The following WDFY4 variants were observed in gnomAD, a reference collection of about 807,000 sequenced individuals.
The protein encoded by WDFY4 is WD repeat- and FYVE domain-containing protein 4.
In WDFY4, 169 loss-of-function variants were observed where a neutral mutation model predicts 351.9. The observed-to-expected ratio is 0.48, with a 90% CI of 0.42 to 0.55. The LOEUF (loss-of-function observed/expected upper bound fraction) is 0.55. Ranked by LOEUF, WDFY4 falls within the 20% of genes least tolerant of loss-of-function variation. The pLI is 0.00. For missense variants in WDFY4, 3,803 were observed against 3,935.6 expected, an observed-to-expected ratio of 0.97 and a Z score of 0.90; for synonymous variants, 1,622 against 1,574.6, an observed-to-expected ratio of 1.03 and a Z score of -0.71.
intron 47 of WDFY4, 23 bp downstream of exon 47, chr10:48,901,886 T>C: frequency 6.5e-7 from 1 of 1,547,596 alleles, no homozygotes; most frequent in South Asian, 1.2e-5. Flanking sequence ...AGCCATGCTG[T>C]CTGGGCATGG....
rs368506760 is a variant in WDFY4, at chr10:48,689,042, C to A, written c.-18+4041C>A. Among the ~76,000 whole-genome samples, 7 of 152,306 alleles carry A rather than the reference C, an allele frequency of 4.6e-5. No individual in the cohort carries two copies. The East Asian group carries it at 7.7e-4, about 17-fold the overall frequency. On this transcript the variant is annotated intron_variant, in intron 1 of 61. Coordinates refer to ENST00000325239, the MANE Select transcript of WDFY4 (RefSeq NM_001394531.1). ...ATGAAGGCTTGGCCCCCTCCACCCC[C>A]ACCCCAGTGAACTTCATGGTAGACA...
At chr10:48,835,443 T>C (rs2068352760) in intron 39 of WDFY4, among the ~76,000 whole-genome samples, 1 of 152,146 alleles carries the variant, frequency 6.6e-6, no homozygotes, top group African/African-American at 2.4e-5. Flanking sequence ...GAGGTGCATG[T>C]GTGCTGGGCA....
intron 39 of WDFY4, among the ~76,000 whole-genome samples, chr10:48,846,073 C>A (rs2068766186): frequency 6.6e-6 from 1 of 152,232 alleles, no homozygotes; most frequent in South Asian, 2.1e-4. Flanking sequence ...AAGATCTGAG[C>A]TGACAATGTC....
chr10:48,796,550 T>C (rs1037048619), intron 24 of WDFY4, 100 bp downstream of exon 24: 2 of 1,440,938 alleles, frequency 1.4e-6, no homozygotes, highest in East Asian at 2.5e-5. Context: ...GCTTCCCTCA[T>C]AGTCATGATG....
chr10:48,972,852 A>G (rs919723665), intron 57 of WDFY4, among the ~76,000 whole-genome samples: 1 of 152,208 alleles, frequency 6.6e-6, no homozygotes, highest in Admixed American at 6.5e-5. Flanking sequence ...TCTTTTTGCT[A>G]TCGTTTTTTG....
chr10:48,722,544 G>A (rs1182813495), intron 4 of WDFY4, among the ~76,000 whole-genome samples: 1 of 152,158 alleles, frequency 6.6e-6, no homozygotes, highest in Non-Finnish European at 1.5e-5. Context: ...CTGTACATTC[G>A]TCCTTCTCTT....
rs118187772 is a variant in WDFY4 at position 48,752,164 on chromosome 10, C to T, written c.2460-8183C>T. On this transcript the variant is annotated intron_variant, in intron 12 of 61. Transcript: ENST00000325239. The stretch of plus-strand genomic sequence containing the variant: ...TGCTCTGTCAATCCCTACCTTACAG[C>T]AATGCTTCTCATAGTGTGGCCTGTA... Among the ~76,000 whole-genome samples the T allele has an allele frequency of 3.1e-3, 474 of 152,310 alleles. 2 individuals carry two copies. The highest frequency in any genetic ancestry group is 0.01 in the Middle Eastern group (3 of 294).
intron 44 of WDFY4, 98 bp from the exon 45 acceptor site, chr10:48,897,356 G>A (rs1837134210): frequency 4.1e-6 from 6 of 1,473,262 alleles, no homozygotes; most frequent in Non-Finnish European, 5.5e-6. Flanking sequence ...CATTGGAAAT[G>A]TGGGTGGAGC....
chr10:48,774,530 G>C lies in WDFY4; in HGVS notation c.2626G>C (p.Val876Leu). The change falls in exon 14 of 62, where the codon GTC (valine) becomes CTC (leucine). Residue 876 changes from valine (V) to leucine (L), a missense_variant. Coordinates refer to ENST00000325239, the MANE Select transcript of WDFY4 (RefSeq NM_001394531.1). Reference protein sequence around the residue: ...SLVKSEKNRQVMCEAGLLGTL... With the variant: ...SLVKSEKNRQLMCEAGLLGTL... ...GGTGAAGTCGGAGAAGAACCGCCAG[G>C]TCATGTGCGAAGCAGGCTTGCTTGG... 1 of 1,551,770 alleles carries C rather than the reference G, an allele frequency of 6.4e-7. No homozygotes were observed. The highest frequency in any genetic ancestry group is 1.2e-5 in the South Asian group (1 of 84,068).
In WDFY4 at chr10:48,709,847, A is replaced by G; in HGVS notation, c.115A>G (p.Ser39Gly). ...TGTCCCACATGGAGGGCAGTCCTCC[A>G]GCCCCACAGCTCTCTGGGACATGCT... ...PDVPHGGQSS[S>G]PTALWDMLER... Residue 39 changes from serine to glycine, a missense_variant, in exon 2 of 62, where the codon AGC becomes GGC. Physicochemically the swap from Ser to Gly is moderately conservative, Grantham distance 56. Transcript: ENST00000325239. 6.4e-7 allele frequency: 1 copy of G among 1,551,912 alleles called. No individual in the cohort carries two copies. The highest frequency in any genetic ancestry group is 8.7e-7 in the Non-Finnish European group (1 of 1,147,036).
At chr10:48,933,824 T>A (rs1840181632) in intron 47 of WDFY4, among the ~76,000 whole-genome samples, 1 of 152,064 alleles carries the variant, frequency 6.6e-6, no homozygotes, top group African/African-American at 2.4e-5. Context: ...CCTGGAAACA[T>A]CATCTAGCTT....
At chr10:48,817,220 C>T in intron 31 of WDFY4, 25 bp from the exon 32 acceptor site, 4 of 1,550,470 alleles carry the variant, frequency 2.6e-6, no homozygotes, top group South Asian at 1.2e-5. Context: ...CTGCCCTGCA[C>T]TACCTCTCAC....
Position 48,717,742 on chromosome 10 carries a change from G to GT in WDFY4, c.235-2264dup, listed in dbSNP as rs540969214. On this transcript the variant is annotated intron_variant, in intron 2 of 61. Coordinates refer to ENST00000325239, the MANE Select transcript of WDFY4 (RefSeq NM_001394531.1). ...CATGTTGATGCATCTAGCTCCATTT[G>GT]TTTTTCAGTACTATATAGTATCCTA... 7.3e-3 allele frequency among the ~76,000 whole-genome samples: 1,113 copies of GT among 152,230 alleles called. 7 individuals carry two copies. Among genetic ancestry groups the GT allele is most frequent in the South Asian group, 0.011 (52 of 4,824 alleles).
intron 51 of WDFY4, among the ~76,000 whole-genome samples, chr10:48,952,978 T>C (rs1304367423): frequency 6.6e-6 from 1 of 152,154 alleles, no homozygotes; most frequent in Non-Finnish European, 1.5e-5. Flanking sequence ...GTGCTGTTGC[T>C]ACCAAAAGCT....
chr10:48,891,470 C>A (rs1166066371), intron 44 of WDFY4, among the ~76,000 whole-genome samples: 1 of 152,238 alleles, frequency 6.6e-6, no homozygotes, highest in Non-Finnish European at 1.5e-5. Context: ...GTCCAGTTGT[C>A]AAGTGTATGT....
At chr10:48,935,440 A>G (rs963214931) in intron 47 of WDFY4, among the ~76,000 whole-genome samples, 6 of 152,386 alleles carry the variant, frequency 3.9e-5, no homozygotes, top group African/African-American at 1.4e-4. Flanking sequence ...GAGAGGATCG[A>G]ATCAGAGCCC....
chr10:48,723,605 A>T (rs749315433), intron 5 of WDFY4, 38 bp downstream of exon 5: 5 of 1,549,712 alleles, frequency 3.2e-6, no homozygotes, highest in South Asian at 2.4e-5. Context: ...CTGGGTCAAA[A>T]CCTCACTTCG....
intron 39 of WDFY4, among the ~76,000 whole-genome samples, chr10:48,835,846 A>T (rs960108364): frequency 2.6e-5 from 4 of 152,222 alleles, no homozygotes; most frequent in Non-Finnish European, 5.9e-5. Flanking sequence ...TTTTGGAAAC[A>T]AGGACTATGT....
At chr10:48,894,589 C>A (rs1368241954) in intron 44 of WDFY4, among the ~76,000 whole-genome samples, 1 of 152,198 alleles carries the variant, frequency 6.6e-6, no homozygotes, top group Non-Finnish European at 1.5e-5. Context: ...GCTTGGCAGG[C>A]CAGAGAGCAT....
Sources: gnomAD v4.1 joint callset for allele counts (sites outside exome capture counted in the v4.1 genomes callset) on GRCh38, gnomAD v4.1.1 for gene constraint, MANE v1.5 for transcripts, NCBI Gene and HGNC (gene_info 2026-07-23, HGNC 2026-07-21) for gene names.